Variants in ADGRB3 observed in about 807,000 individuals in gnomAD.
ADGRB3 encodes brain-specific angiogenesis inhibitor 3.
ADGRB3 carries 37 observed loss-of-function variants against 193.4 expected under a neutral mutation model. That is an observed-to-expected ratio of 0.19 (90% CI 0.15 to 0.25). The LOEUF (loss-of-function observed/expected upper bound fraction) is 0.25, where lower values mean the gene tolerates loss of function less well. Among genes scored for constraint, ADGRB3 ranks in the 10% least tolerant of loss-of-function variants. The pLI is 1.00. For synonymous variants in ADGRB3, 690 were observed against 644.2 expected (o/e 1.07, Z -1.08); for missense variants, 1,637 against 1,852.9 (o/e 0.88, Z 2.14).
In ADGRB3 at chr6:68,877,627, A is replaced by G. The variant is rs149168110; in HGVS notation, c.758-52932A>G. On this transcript the variant is annotated intron_variant, in intron 3 of 31. Transcript: ENST00000370598. ...ATTTTAATGGATCTGGGCTAATTAG[A>G]CATATCTGAAAATCTTTTCTAAAGT... Among the ~76,000 whole-genome samples the G allele has an allele frequency of 5.6e-4, 86 of 152,218 alleles. 2 individuals are homozygous for G. The East Asian group carries it at 0.016, about 29-fold the overall frequency.
chr6:69,185,551 A>G (rs1354663475), intron 17 of ADGRB3, among the ~76,000 whole-genome samples: 1 of 152,152 alleles, frequency 6.6e-6, no homozygotes, highest in Non-Finnish European at 1.5e-5. Flanking sequence ...ATCTACCACT[A>G]TTCGTACTGT....
At chr6:68,851,546 T>C (rs548866797) in intron 3 of ADGRB3, among the ~76,000 whole-genome samples, 2 of 152,032 alleles carry the variant, frequency 1.3e-5, no homozygotes, top group South Asian at 2.1e-4. Context: ...ATAATTATGC[T>C]GCATAAACTA....
chr6:68,682,912 G>A (rs1057393929), intron 3 of ADGRB3, among the ~76,000 whole-genome samples: 1 of 151,856 alleles, frequency 6.6e-6, no homozygotes, highest in South Asian at 2.1e-4. Flanking sequence ...CAAGTAGCTG[G>A]GATTATAGGC....
intron 3 of ADGRB3, among the ~76,000 whole-genome samples, chr6:68,770,588 A>C (rs1200460403): frequency 2.6e-5 from 4 of 152,132 alleles, no homozygotes; most frequent in Non-Finnish European, 5.9e-5. Flanking sequence ...TGTTCTTTCT[A>C]TCATTCAGAC....
rs1460422620 is a variant in ADGRB3 at position 69,361,484 on chromosome 6, G to T, written c.4211G>T (p.Gly1404Val). The change falls in exon 29 of 32, where the codon GGA (glycine) becomes GTA (valine). Residue 1404 changes from glycine to valine, a missense_variant. By Grantham distance (109) the Gly-to-Val change is moderately radical. Transcript: ENST00000370598. ...GCAGGACTATCAAGAAGTGAAACTG[G>T]ATCAACGATATCAATGAGTTCTTTA... ...DNAGLSRSETGSTISMSSLER... is the reference protein window; with the variant it reads ...DNAGLSRSETVSTISMSSLER... 3 of 1,612,216 alleles carry T rather than the reference G, an allele frequency of 1.9e-6. No individual in the cohort carries two copies. The highest frequency in any genetic ancestry group is 2.5e-6 in the Non-Finnish European group (3 of 1,178,864).
At chr6:69,027,138 C>G (rs1770457189) in intron 13 of ADGRB3, among the ~76,000 whole-genome samples, 2 of 151,902 alleles carry the variant, frequency 1.3e-5, no homozygotes, top group African/African-American at 4.8e-5. Context: ...ACATATTGTA[C>G]AGCTGTAAAA....
intron 3 of ADGRB3, among the ~76,000 whole-genome samples, chr6:68,772,932 T>TATAC (rs1383379769): frequency 4.2e-5 from 2 of 47,862 alleles, no homozygotes; most frequent in Non-Finnish European, 8.8e-5. Flanking sequence ...TATATATATA[T>TATAC]ACATACACAC....
intron 3 of ADGRB3, among the ~76,000 whole-genome samples, chr6:68,925,835 T>G (rs541713595): frequency 3.3e-5 from 5 of 152,164 alleles, no homozygotes; most frequent in East Asian, 1.9e-4. Flanking sequence ...TCAGAAGCCA[T>G]TTCTGATTCA....
intron 4 of ADGRB3, among the ~76,000 whole-genome samples, chr6:68,934,156 G>T (rs1767423778): frequency 6.6e-6 from 1 of 152,224 alleles, no homozygotes; most frequent in East Asian, 1.9e-4. Context: ...GTTATAACAA[G>T]AACATTTTGA....
intron 3 of ADGRB3, among the ~76,000 whole-genome samples, chr6:68,810,783 G>T (rs986323014): frequency 6.6e-6 from 1 of 152,054 alleles, no homozygotes; most frequent in Non-Finnish European, 1.5e-5. Context: ...GTTTGGGGTA[G>T]AAAGAAAATT....
chr6:69,173,813 A>G (rs1020901406), intron 17 of ADGRB3, among the ~76,000 whole-genome samples: 4 of 152,232 alleles, frequency 2.6e-5, no homozygotes, highest in Non-Finnish European at 5.9e-5. Flanking sequence ...CCTAAAAAAC[A>G]TTCTGAGGAT....
intron 24 of ADGRB3, among the ~76,000 whole-genome samples, chr6:69,333,886 C>CA (rs1768780752): frequency 6.7e-6 from 1 of 149,320 alleles, no homozygotes; most frequent in African/African-American, 2.5e-5. Flanking sequence ...GCCAAGATCG[C>CA]GCCACTGCAC....
At chr6:68,799,332 T>C (rs556333314) in intron 3 of ADGRB3, among the ~76,000 whole-genome samples, 1 of 152,292 alleles carries the variant, frequency 6.6e-6, no homozygotes, top group African/African-American at 2.4e-5. Flanking sequence ...CAGAATCTTA[T>C]ATTTCTTCCC....
In ADGRB3 at chr6:69,320,340, C is replaced by G. The variant is rs117764623; in HGVS notation, c.2815-4532C>G. On this transcript the variant is annotated intron_variant, in intron 20 of 31. Coordinates refer to ENST00000370598, the MANE Select transcript of ADGRB3 (RefSeq NM_001704.3). ...TAGACTTATTATTTTCTTTTTTAAA[C>G]TATTTATGTATTTATTTATTTTTAA... 8.8e-3 allele frequency among the ~76,000 whole-genome samples: 1,327 copies of G among 150,708 alleles called. 11 individuals are homozygous for G. Among genetic ancestry groups the G allele is most frequent in the Middle Eastern group, 0.021 (6 of 292 alleles).
At chr6:68,744,945 G>A (rs1415631933) in intron 3 of ADGRB3, among the ~76,000 whole-genome samples, 1 of 152,078 alleles carries the variant, frequency 6.6e-6, no homozygotes, top group Non-Finnish European at 1.5e-5. Flanking sequence ...GAAAATCTAA[G>A]TAAAGCAATT....
intron 20 of ADGRB3, among the ~76,000 whole-genome samples, chr6:69,296,455 G>T (rs1301380326): frequency 6.6e-6 from 1 of 152,000 alleles, no homozygotes; most frequent in Non-Finnish European, 1.5e-5. Flanking sequence ...TATTTTTCTA[G>T]TGTTAATATG....
chr6:69,085,517 A>G (rs916883955), intron 17 of ADGRB3, among the ~76,000 whole-genome samples: 1 of 151,952 alleles, frequency 6.6e-6, no homozygotes, highest in Non-Finnish European at 1.5e-5. Context: ...GAGAATTTAT[A>G]TTAGGTAATT....
intron 3 of ADGRB3, among the ~76,000 whole-genome samples, chr6:68,921,806 C>CA (rs571178156): frequency 6.4e-4 from 96 of 150,166 alleles, no homozygotes; most frequent in Non-Finnish European, 1.1e-3. Flanking sequence ...TGGTTCATAA[C>CA]AAAAAAAAAT....
chr6:68,661,920 CAA>C (rs573533865), intron 3 of ADGRB3, among the ~76,000 whole-genome samples: 4 of 151,250 alleles, frequency 2.6e-5, no homozygotes, highest in African/African-American at 7.3e-5. Flanking sequence ...AATTGAAAAA[CAA>C]TGATGAAAAG....
Sources: gnomAD v4.1 joint callset for allele counts (sites outside exome capture counted in the v4.1 genomes callset) on GRCh38, gnomAD v4.1.1 for gene constraint, MANE v1.5 for transcripts, NCBI Gene and HGNC (gene_info 2026-07-23, HGNC 2026-07-21) for gene names.